Variants in NTM observed in about 807,000 individuals in gnomAD.
NTM encodes the protein IgLON family member 2.
Under a neutral mutation model 42.1 loss-of-function variants are expected in NTM, and 13 were observed. That is an observed-to-expected ratio of 0.31 (90% CI 0.20 to 0.49). The LOEUF (loss-of-function observed/expected upper bound fraction) is 0.49. Ranked by LOEUF, NTM falls within the 20% of genes least tolerant of loss-of-function variation. The probability of loss-of-function intolerance (pLI) is 0.99; values close to 1 mark genes in which losing one functional copy is unlikely to be tolerated. For missense variants in NTM, 373 were observed against 452.8 expected, an observed-to-expected ratio of 0.82 and a Z score of 1.60; for synonymous variants, 187 against 179.2, an observed-to-expected ratio of 1.04 and a Z score of -0.35.
chr11:131,589,270 A>G (rs149429923), intron 1 of NTM, among the ~76,000 whole-genome samples: 7 of 151,826 alleles, frequency 4.6e-5, no homozygotes, highest in Admixed American at 1.3e-4. Context: ...TAAATATCTT[A>G]CCATTAATAA....
At chr11:131,866,104 CACAT>C (rs1374147608) in intron 1 of NTM, among the ~76,000 whole-genome samples, 1 of 151,780 alleles carries the variant, frequency 6.6e-6, no homozygotes, top group Non-Finnish European at 1.5e-5. Flanking sequence ...CACACACACA[CACAT>C]GCTGCACACA....
chr11:132,302,599 G>T (rs1183042884), intron 4 of NTM, among the ~76,000 whole-genome samples: 1 of 152,128 alleles, frequency 6.6e-6, no homozygotes, highest in Non-Finnish European at 1.5e-5. Flanking sequence ...TAAGAAGTTG[G>T]CAAATTTTAA....
intron 1 of NTM, among the ~76,000 whole-genome samples, chr11:131,497,320 C>T (rs1955452626): frequency 6.6e-6 from 1 of 152,182 alleles, no homozygotes; most frequent in Non-Finnish European, 1.5e-5. Context: ...TCCCGAGTAG[C>T]TGGGATTACA....
At chr11:132,305,585 C>T (rs148571965) in intron 4 of NTM, among the ~76,000 whole-genome samples, 7 of 152,130 alleles carry the variant, frequency 4.6e-5, no homozygotes, top group Non-Finnish European at 8.8e-5. Context: ...CACTGGTCTC[C>T]GAGATGCTTG....
intron 2 of NTM, among the ~76,000 whole-genome samples, chr11:131,925,560 AT>A (rs2057834980): frequency 6.6e-6 from 1 of 151,564 alleles, no homozygotes; most frequent in Non-Finnish European, 1.5e-5. Flanking sequence ...TGATTTTTGT[AT>A]TTTTTTGAGA....
intron 2 of NTM, among the ~76,000 whole-genome samples, chr11:132,061,957 G>A (rs71485713): frequency 1.3e-5 from 2 of 152,084 alleles, no homozygotes; most frequent in Non-Finnish European, 2.9e-5. Context: ...GATCAGATAG[G>A]GGGTATCATT....
intron 3 of NTM, among the ~76,000 whole-genome samples, chr11:132,208,408 A>G (rs1192375687): frequency 6.6e-6 from 1 of 152,220 alleles, no homozygotes; most frequent in Non-Finnish European, 1.5e-5. Context: ...TCACTCACCC[A>G]AGGGCAATTT....
intron 1 of NTM, among the ~76,000 whole-genome samples, chr11:131,750,884 T>A (rs4460820): frequency 0.2 from 30,357 of 151,984 alleles, 4,496 homozygotes; most frequent in African/African-American, 0.42. Flanking sequence ...ATGCCTGCTC[T>A]CTCTCCTCAC....
At chr11:132,219,294 G>A (rs2084598600) in intron 4 of NTM, among the ~76,000 whole-genome samples, 1 of 152,050 alleles carries the variant, frequency 6.6e-6, no homozygotes, top group Admixed American at 6.5e-5. Context: ...TTCCAACTAT[G>A]GCACCTCTTA....
In NTM at chr11:132,199,042, G is replaced by A. The variant is rs193063067; in HGVS notation, c.401-12980G>A. On this transcript the variant is annotated intron_variant, in intron 3 of 8. Coordinates refer to ENST00000683400, the MANE Select transcript of NTM (RefSeq NM_001352005.2). The stretch of plus-strand genomic sequence containing the variant: ...CATTATCAACCAAGGCAGGAAGTAC[G>A]GAAAGTGGCAGTGAATTCTTTGGTA... 1.2e-3 allele frequency among the ~76,000 whole-genome samples: 181 copies of A among 152,324 alleles called. 1 individual carries two copies. Among genetic ancestry groups the A allele is most frequent in the Non-Finnish European group, 1.1e-3 (74 of 68,032 alleles).
intron 1 of NTM, among the ~76,000 whole-genome samples, chr11:131,848,730 G>A (rs371058631): frequency 2.6e-5 from 4 of 152,280 alleles, no homozygotes; most frequent in African/African-American, 9.6e-5. Context: ...ACTCTAGGCT[G>A]CAGATGTCAG....
chr11:131,802,506 G>T (rs1184860841), intron 1 of NTM, among the ~76,000 whole-genome samples: 1 of 152,216 alleles, frequency 6.6e-6, no homozygotes, highest in African/African-American at 2.4e-5. Flanking sequence ...AGCACCCTCT[G>T]TGGGAGCCTG....
At chr11:132,110,052 C>T (rs759286618) in intron 2 of NTM, among the ~76,000 whole-genome samples, 2 of 152,208 alleles carry the variant, frequency 1.3e-5, no homozygotes, top group Admixed American at 6.5e-5. Context: ...TTCACTTGGG[C>T]TCAACTCTAG....
At chr11:131,747,795 C>A (rs372903473) in intron 1 of NTM, among the ~76,000 whole-genome samples, 21 of 152,178 alleles carry the variant, frequency 1.4e-4, no homozygotes, top group East Asian at 1.3e-3. Context: ...TTTTTCATGT[C>A]TCTGCCATTG....
rs559003698 is a variant in NTM at position 131,951,768 on chromosome 11, G to C, written c.167+40120G>C. On this transcript the variant is annotated intron_variant, in intron 2 of 8. Coordinates refer to ENST00000683400, the MANE Select transcript of NTM (RefSeq NM_001352005.2). ...AACTGGGAGGCACAGGTTGCAGTGA[G>C]CTGAGATTGTGCCACTGTACTCCAG... 4.8e-5 allele frequency among the ~76,000 whole-genome samples: 7 copies of C among 144,734 alleles called. No individual in the cohort carries two copies. In the South Asian group the frequency reaches 1.5e-3, roughly 32 times the overall value. 95.0% of individuals were successfully genotyped at this position (144,734 alleles called of 152,430 possible). A position where few individuals can be genotyped will look rare whatever the true frequency, so the allele number is the denominator to read the frequency against.
intron 2 of NTM, chr11:131,981,588 CTG>C (rs1215324663): frequency 6.6e-6 from 1 of 152,212 alleles, no homozygotes; most frequent in Admixed American, 6.5e-5. Context: ...CAAGAGAGGA[CTG>C]TAGGGGACAC....
intron 3 of NTM, among the ~76,000 whole-genome samples, chr11:132,157,857 G>A (rs554768127): frequency 1.1e-4 from 16 of 152,198 alleles, no homozygotes; most frequent in South Asian, 6.2e-4. Flanking sequence ...GCTGCAGTCC[G>A]TCTTCACTGT....
chr11:131,711,324 A>G (rs2077102626), intron 1 of NTM, among the ~76,000 whole-genome samples: 1 of 152,222 alleles, frequency 6.6e-6, no homozygotes, highest in South Asian at 2.1e-4. Context: ...GGCGAAGTAC[A>G]TGAACAGACA....
intron 4 of NTM, among the ~76,000 whole-genome samples, chr11:132,305,691 G>T (rs182066439): frequency 6.6e-6 from 1 of 152,296 alleles, no homozygotes; most frequent in East Asian, 1.9e-4. Context: ...AGGAATTACA[G>T]ATTCTTCATT....
Sources: allele counts gnomAD v4.1 joint callset (sites outside exome capture counted in the v4.1 genomes callset), GRCh38; gene constraint gnomAD v4.1.1; transcripts MANE v1.5; gene names NCBI Gene and HGNC (gene_info 2026-07-23, HGNC 2026-07-21).